KCTD13: variants seen among roughly 807,000 people sequenced by gnomAD.
The protein encoded by KCTD13 is BTB/POZ domain-containing adapter for CUL3-mediated RhoA degradation protein 1.
Under a neutral mutation model 32.3 loss-of-function variants are expected in KCTD13, and 15 were observed. The observed-to-expected ratio is 0.46, with a 90% CI of 0.31 to 0.71. The LOEUF is 0.71. Among genes scored for constraint, KCTD13 ranks in the 30% least tolerant of loss-of-function variants. The pLI is 0.05. For synonymous variants in KCTD13, 189 were observed against 200.1 expected (o/e 0.94, Z 0.47); for missense variants, 337 against 452.6 (o/e 0.74, Z 2.32).
intron 5 of KCTD13, among the ~76,000 whole-genome samples, chr16:29,909,152 CAAGGAACT>C (rs1042381247): frequency 6.6e-6 from 1 of 152,152 alleles, no homozygotes; most frequent in African/African-American, 2.4e-5. Flanking sequence ...GCCCTGCCCT[CAAGGAACT>C]AACACCTCGC....
chr16:29,912,958 C>A (rs2068742985), intron 2 of KCTD13, among the ~76,000 whole-genome samples: 1 of 152,190 alleles, frequency 6.6e-6, no homozygotes, highest in South Asian at 2.1e-4. Flanking sequence ...GCTTCTTTCT[C>A]TTCTGTCTTC....
chr16:29,925,203 T>C (rs570945933), intron 1 of KCTD13, among the ~76,000 whole-genome samples: 1 of 152,298 alleles, frequency 6.6e-6, no homozygotes, highest in Admixed American at 6.5e-5. Flanking sequence ...AAGGTTCACC[T>C]GCCAAGGAGA....
At chr16:29,918,980 G>C (rs1422585152) in intron 2 of KCTD13, among the ~76,000 whole-genome samples, 1 of 152,164 alleles carries the variant, frequency 6.6e-6, no homozygotes, top group Middle Eastern at 3.4e-3. Context: ...TTTTAATAGA[G>C]ATGGGGTTTC....
intron 5 of KCTD13, among the ~76,000 whole-genome samples, chr16:29,910,671 C>T (rs1392441508): frequency 2.0e-5 from 3 of 152,174 alleles, no homozygotes; most frequent in Non-Finnish European, 4.4e-5. Context: ...TTCTGAGTTT[C>T]TAATGGCAAC....
rs1436613998 is a variant in KCTD13, at chr16:29,926,022, C to G, written c.12G>C (p.Glu4Asp). The G allele has an allele frequency of 6.5e-7, 1 of 1,535,628 alleles. No individual in the cohort carries two copies. Among genetic ancestry groups the G allele is most frequent in the Non-Finnish European group, 8.7e-7 (1 of 1,147,884 alleles). MSA[E>D]ASGPAAAAAP... ...CCGCGGCGGCAGCCGGGCCCGAGGC[C>G]TCCGCCGACATGCCGGGTAGCAGCG... The change falls in exon 1 of 6, where the codon GAG (glutamate) becomes GAC (aspartate). Residue 4 changes from glutamate to aspartate, a missense_variant. Transcript: ENST00000568000.
In KCTD13 at chr16:29,926,175, G is replaced by A. The variant is rs372116603; in HGVS notation, c.-142C>T. The A allele has an allele frequency of 7.1e-6, 7 of 986,422 alleles. No homozygotes were observed. The highest frequency in any genetic ancestry group is 8.0e-5 in the Admixed American group (2 of 25,054). The allele number at this position is 986,422 out of a possible 1,614,324, so 61.1% of individuals were successfully genotyped here. ...CTCACCGCAGCTACTCTGCAAGACC[G>A]GCCCTCCGCCCCATCTCGCTCGCAC... On this transcript the variant is annotated 5_prime_UTR_variant, in exon 1 of 6. Transcript: ENST00000568000.
intron 5 of KCTD13, 114 bp from the exon 6 acceptor site, chr16:29,907,222 G>C (rs145650656): frequency 2.8e-6 from 2 of 714,880 alleles, no homozygotes; most frequent in African/African-American, 1.8e-5. Flanking sequence ...TCAGGTCCTT[G>C]GGCCTGGCCT....
intron 1 of KCTD13, among the ~76,000 whole-genome samples, chr16:29,924,484 C>T (rs2068964079): frequency 6.6e-6 from 1 of 152,146 alleles, no homozygotes; most frequent in Non-Finnish European, 1.5e-5. Flanking sequence ...GTCCAGTTCA[C>T]TGCCATTTTA....
rs573422847 is a variant in KCTD13, at chr16:29,909,696, T to C, written c.753+1282A>G. On this transcript the variant is annotated intron_variant, in intron 5 of 5. Transcript: ENST00000568000. ...GGCCTTTCTGAGTTTCCCTTTTTTT[T>C]TTTTTTAATTAGAGTTAGGGCTCAC... 9.8e-4 allele frequency among the ~76,000 whole-genome samples: 149 copies of C among 152,078 alleles called. 1 individual carries two copies. The highest frequency in any genetic ancestry group is 3.5e-3 in the African/African-American group (144 of 41,488).
At chr16:29,911,261 C>T in intron 4 of KCTD13, 88 bp from the exon 5 acceptor site, 1 of 1,004,686 alleles carries the variant, frequency 1.0e-6, no homozygotes, top group Non-Finnish European at 1.5e-6. Flanking sequence ...CATTCCCAGT[C>T]CTCTGCTCCT....
chr16:29,918,382 G>A (rs1448625027), intron 2 of KCTD13, among the ~76,000 whole-genome samples: 1 of 152,234 alleles, frequency 6.6e-6, no homozygotes, highest in Non-Finnish European at 1.5e-5. Context: ...TGGGTTGCTT[G>A]ATGTGGCCCA....
At chr16:29,925,681 G>A (rs1057150962) in intron 1 of KCTD13, 109 bp downstream of exon 1, 2 of 1,087,876 alleles carry the variant, frequency 1.8e-6, no homozygotes, top group African/African-American at 1.6e-5. Context: ...GAGTTGACTG[G>A]ACAGTAGCGG....
At chr16:29,924,053 A>G (rs1286563274) in intron 1 of KCTD13, among the ~76,000 whole-genome samples, 1 of 149,950 alleles carries the variant, frequency 6.7e-6, no homozygotes. Context: ...GCATGCCTGT[A>G]ATCCCAGCTA....
At chr16:29,912,397 C>T (rs2068730238) in intron 2 of KCTD13, 3 of 392,010 alleles carry the variant, frequency 7.7e-6, no homozygotes, top group African/African-American at 2.1e-5. Context: ...CCCAGCCCCC[C>T]TGGCTAAAAC....
Position 29,925,882 on chromosome 16 carries a change from A to C in KCTD13, c.152T>G (p.Leu51Trp), listed in dbSNP as rs2068987501. Reference sequence around the variant, plus strand: ...GAGGGTGCGCAGCGTGGTGTAGTGCAACGAGCCGCCCACGTTCAGCTTCAC... The same window carrying C: ...GAGGGTGCGCAGCGTGGTGTAGTGCCACGAGCCGCCCACGTTCAGCTTCAC... The part of the protein sequence containing the change: ...KYVKLNVGGS[L>W]HYTTLRTLTG... The change falls in exon 1 of 6, where the codon TTG becomes TGG. Residue 51 changes from leucine (L) to tryptophan (W), a missense_variant. By Grantham distance (61) the Leu-to-Trp change is moderately conservative (BLOSUM62 -2). Around this residue, in one of 3 missense-constraint regions of KCTD13, gnomAD observed 21 missense variants for 52.7 expected, o/e 0.40. Coordinates refer to ENST00000568000, the MANE Select transcript of KCTD13 (RefSeq NM_178863.5). 1 of 1,613,968 alleles carries C rather than the reference A, an allele frequency of 6.2e-7. No individual in the cohort carries two copies. The highest frequency in any genetic ancestry group is 8.5e-7 in the Non-Finnish European group (1 of 1,179,988).
chr16:29,909,679 T>C (rs1418118696), intron 5 of KCTD13, among the ~76,000 whole-genome samples: 1 of 151,916 alleles, frequency 6.6e-6, no homozygotes, highest in Non-Finnish European at 1.5e-5. Context: ...TGGGCCTTTC[T>C]GAGTTTCCCT....
At position 29,926,123 on chromosome 16, in the gene KCTD13, G is replaced by A; in HGVS notation, c.-90C>T. 2 of 1,364,324 alleles carry A rather than the reference G, an allele frequency of 1.5e-6. No homozygotes were observed. The highest frequency in any genetic ancestry group is 1.6e-5 in the South Asian group (1 of 63,300). The allele number at this position is 1,364,324 out of a possible 1,614,324, so 84.5% of individuals were successfully genotyped here. A position where few individuals can be genotyped will look rare whatever the true frequency, so the allele number is the denominator to read the frequency against. The stretch of plus-strand genomic sequence containing the variant: ...ACCCTCGGCCGGCCCCCAGCCCTTG[G>A]GCCAGACCGCTCGGCGCACACGCCC... On this transcript the variant is annotated 5_prime_UTR_variant, in exon 1 of 6. Coordinates refer to ENST00000568000, the MANE Select transcript of KCTD13 (RefSeq NM_178863.5).
chr16:29,911,690 G>A (rs544369227), intron 4 of KCTD13, 125 bp downstream of exon 4: 11 of 1,007,868 alleles, frequency 1.1e-5, no homozygotes, highest in Non-Finnish European at 1.6e-5. Context: ...AGGCGAAGCC[G>A]AATCTGCGAG....
intron 4 of KCTD13, chr16:29,911,510 T>TG: frequency 1.8e-6 from 1 of 567,392 alleles, no homozygotes; most frequent in East Asian, 3.0e-5. Flanking sequence ...ATCTGTAAAA[T>TG]GGAGCTCACA....
Sources: gnomAD v4.1 joint callset for allele counts (sites outside exome capture counted in the v4.1 genomes callset) on GRCh38, gnomAD v4.1.1 for gene constraint, gnomAD v4.1.1 regional missense constraint, MANE v1.5 for transcripts, NCBI Gene and HGNC (gene_info 2026-07-23, HGNC 2026-07-21) for gene names.